The following DMBT1 variants were observed in gnomAD, a reference collection of about 807,000 sequenced individuals.
The protein encoded by DMBT1 is scavenger receptor cysteine-rich domain-containing protein DMBT1.
Under a neutral mutation model 252.9 loss-of-function variants are expected in DMBT1, and 198 were observed. The ratio of observed to expected loss-of-function variants is 0.78; its 90% CI spans 0.70 to 0.88. DMBT1 has a LOEUF of 0.88. Among genes scored for constraint, DMBT1 ranks in the 40% least tolerant of loss-of-function variants. DMBT1 has a pLI of 0.00. For synonymous variants in DMBT1, 990 were observed against 942.7 expected (o/e 1.05, Z -0.92); for missense variants, 2,432 against 2,404.7 (o/e 1.01, Z -0.24).
chr10:122,617,921 A>G, intron 40 of DMBT1, 96 bp from the exon 41 acceptor site: 1 of 1,566,272 alleles, frequency 6.4e-7, no homozygotes, highest in Non-Finnish European at 8.7e-7. Context: ...TGCCCAGGTG[A>G]CTCTGGCCAT....
intron 52 of DMBT1, among the ~76,000 whole-genome samples, chr10:122,634,461 TCTCTC>T (rs2098207451): frequency 8.8e-6 from 1 of 113,626 alleles, no homozygotes; most frequent in African/African-American, 3.7e-5. Context: ...TCTCTCTCTC[TCTCTC>T]TCTCTCTCTC....
At chr10:122,585,964 A>G in intron 15 of DMBT1, 96 bp from the exon 16 acceptor site, 2 of 1,559,112 alleles carry the variant, frequency 1.3e-6, no homozygotes, top group African/African-American at 1.3e-5. Flanking sequence ...TGCCCAGGTG[A>G]CTTTAGCCAT....
chr10:122,618,312 T>A lies in DMBT1; in HGVS notation c.5187T>A (p.His1729Gln). ...GCTGGCTCTCCCACAACTGTGGCCA[T>A]CATGAAGATGCTGGTGTCATCTGCT... ...HNGWLSHNCG[H>Q]HEDAGVICSA... is the part of the protein sequence containing the mutation. Residue 1729 changes from histidine to glutamine, a missense_variant, in exon 41 of 56, where the codon CAT becomes CAA. Coordinates refer to ENST00000338354, the MANE Select transcript of DMBT1 (RefSeq NM_001377530.1). The A allele has an allele frequency of 1.9e-6, 3 of 1,613,842 alleles. No individual in the cohort carries two copies. Among genetic ancestry groups the A allele is most frequent in the Non-Finnish European group, 2.5e-6 (3 of 1,179,774 alleles).
At chr10:122,630,854 G>C (rs929824171) in intron 48 of DMBT1, 107 bp from the exon 49 acceptor site, 2 of 1,256,732 alleles carry the variant, frequency 1.6e-6, no homozygotes, top group Non-Finnish European at 2.2e-6. Flanking sequence ...TCTATTTGGC[G>C]ACTTTAGAGG....
chr10:122,627,907 G>T (rs776724996), intron 46 of DMBT1, among the ~76,000 whole-genome samples: 7 of 152,226 alleles, frequency 4.6e-5, no homozygotes, highest in Non-Finnish European at 7.3e-5. Context: ...CTCTACAGAA[G>T]ATTCACAGAT....
At chr10:122,632,736 A>G in intron 50 of DMBT1, 125 bp from the exon 51 acceptor site, 1 of 1,277,764 alleles carries the variant, frequency 7.8e-7, no homozygotes. Flanking sequence ...CCCAAGGGCA[A>G]GGCCTGTGTC....
chr10:122,641,227 G>A (rs1828187130), intron 55 of DMBT1, among the ~76,000 whole-genome samples: 1 of 152,154 alleles, frequency 6.6e-6, no homozygotes, highest in Admixed American at 6.5e-5. Flanking sequence ...CTGGATGACT[G>A]CATGTGGGTG....
intron 20 of DMBT1, among the ~76,000 whole-genome samples, chr10:122,592,844 A>G (rs1405229343): frequency 1.3e-5 from 2 of 148,592 alleles, no homozygotes; most frequent in Admixed American, 1.3e-4. Flanking sequence ...GCAGTGCAAG[A>G]AAGAGGCCGA....
In DMBT1 at chr10:122,620,265, C is replaced by A. The variant is rs748761996; in HGVS notation, c.5258C>A (p.Thr1753Asn). The part of the protein sequence containing the change: ...QSTPRPDTWL[T>N]TNLPALTVGS... ...TTGCAATTTACAGATACTTGGCTGA[C>A]CACCAACTTACCGGCATTGACAGTA... Residue 1753 changes from threonine (T) to asparagine (N), a missense_variant, in exon 43 of 56, where the codon ACC becomes AAC. By Grantham distance (65) the Thr-to-Asn change is moderately conservative. This residue lies in a region of DMBT1 where 1,162 missense variants were observed against 1,169.0 expected (regional missense o/e 0.99). Transcript: ENST00000338354. 6.2e-7 allele frequency: 1 copy of A among 1,613,970 alleles called. No homozygotes were observed. Among genetic ancestry groups the A allele is most frequent in the Admixed American group, 1.7e-5 (1 of 60,026 alleles).
intron 18 of DMBT1, 46 bp downstream of exon 18, chr10:122,590,740 A>C (rs772206291): frequency 6.4e-7 from 1 of 1,573,358 alleles, no homozygotes; most frequent in African/African-American, 1.3e-5. Flanking sequence ...TTCTTTCTGC[A>C]CAATTATCCT....
chr10:122,567,733 T>G (rs1305492328), intron 2 of DMBT1, among the ~76,000 whole-genome samples: 1 of 152,116 alleles, frequency 6.6e-6, no homozygotes, highest in Non-Finnish European at 1.5e-5. Context: ...ACATGGTGCT[T>G]ATTGACTTCC....
intron 6 of DMBT1, among the ~76,000 whole-genome samples, chr10:122,574,751 G>T (rs2981808): frequency 0.69 from 104,454 of 152,018 alleles, 36,093 homozygotes; most frequent in East Asian, 0.77. Context: ...CACCTTGGTG[G>T]GACAAGCCCT....
At chr10:122,630,589 C>T in intron 48 of DMBT1, 99 bp downstream of exon 48, 3 of 1,233,562 alleles carry the variant, frequency 2.4e-6, no homozygotes, top group Non-Finnish European at 3.5e-6. Context: ...AGAAGGGCCT[C>T]AGCGATGCAC....
In DMBT1 at chr10:122,586,337, C is replaced by G. The variant is rs1046886257; in HGVS notation, c.1737C>G (p.Leu579=). The G allele has an allele frequency of 3.1e-6, 5 of 1,588,648 alleles. No homozygotes were observed. Among genetic ancestry groups the G allele is most frequent in the Non-Finnish European group, 4.3e-6 (5 of 1,165,908 alleles). ...YLWSCPHNGW[L]SHNCGHSEDA... is the part of the protein sequence containing the mutation. ...GGAGCTGCCCCCACAATGGCTGGCT[C>G]TCCCATAACTGTGGCCATAGTGAAG... The change falls in exon 16 of 56, where the codon CTC becomes CTG. Residue 579 remains leucine (L), a synonymous_variant. Coordinates refer to ENST00000338354, the MANE Select transcript of DMBT1 (RefSeq NM_001377530.1).
chr10:122,635,867 T>C (rs2098222971), intron 52 of DMBT1, 124 bp from the exon 53 acceptor site: 2 of 1,034,048 alleles, frequency 1.9e-6, no homozygotes, highest in East Asian at 2.5e-5. Context: ...AGGAGACCTA[T>C]GACTTTCATC....
rs978628820 is a variant in DMBT1, at chr10:122,591,637, T to C, written c.2176+120T>C. ...CTGTCTTTTTCACATCCCTGTGCGC[T>C]GAGTGGGAGGAAGTTGAGTCTCTGG... is the stretch of plus-strand genomic sequence containing the variant. On this transcript the variant is annotated intron_variant, in intron 19 of 55. Transcript: ENST00000338354. The C allele has an allele frequency of 7.0e-6, 8 of 1,149,418 alleles. 3 individuals are homozygous for C. The South Asian group carries it at 1.2e-4, about 18-fold the overall frequency. 71.2% of individuals were successfully genotyped at this position (1,149,418 alleles called of 1,614,324 possible).
At chr10:122,570,975 C>T (rs532534796) in intron 4 of DMBT1, 38 bp downstream of exon 4, 4 of 1,594,594 alleles carry the variant, frequency 2.5e-6, no homozygotes, top group Middle Eastern at 1.7e-4. Context: ...GGGCTCATTA[C>T]CCCACTGCAC....
chr10:122,638,751 T>C (rs1238399359), intron 54 of DMBT1, among the ~76,000 whole-genome samples: 2 of 152,238 alleles, frequency 1.3e-5, no homozygotes, highest in East Asian at 3.8e-4. Context: ...GCCTCCTCTA[T>C]TTCTTTAAAT....
At chr10:122,625,851 T>A in intron 45 of DMBT1, 82 bp from the exon 46 acceptor site, 1 of 1,182,626 alleles carries the variant, frequency 8.5e-7, no homozygotes, top group South Asian at 1.2e-5. Context: ...GGAAAAGGAT[T>A]TAACTTTGTC....
Sources: gnomAD v4.1 joint callset for allele counts (sites outside exome capture counted in the v4.1 genomes callset) on GRCh38, gnomAD v4.1.1 for gene constraint, gnomAD v4.1.1 regional missense constraint, MANE v1.5 for transcripts, NCBI Gene and HGNC (gene_info 2026-07-23, HGNC 2026-07-21) for gene names.